Variants in AGBL3 observed in about 807,000 individuals in gnomAD.
AGBL3 encodes the protein cytosolic carboxypeptidase 3.
AGBL3 carries 68 observed loss-of-function variants against 94.5 expected under a neutral mutation model. The observed-to-expected ratio is 0.72, with a 90% confidence interval of 0.59 to 0.88. The LOEUF (loss-of-function observed/expected upper bound fraction) is 0.88, where lower values mean the gene tolerates loss of function less well. AGBL3 is among the 40% of genes least tolerant of loss of function. The pLI, the probability that AGBL3 is intolerant of heterozygous loss-of-function variation, is 0.00. For missense variants in AGBL3, 934 were observed against 1,103.8 expected (o/e 0.85, Z 2.18); for synonymous variants, 354 against 370.7 (o/e 0.95, Z 0.52).
At chr7:134,999,077 T>G (rs1811377914) in intron 4 of AGBL3, among the ~76,000 whole-genome samples, 1 of 152,184 alleles carries the variant, frequency 6.6e-6, no homozygotes, top group East Asian at 1.9e-4. Context: ...AGTAAACCAC[T>G]AGTCCATTTT....
intron 11 of AGBL3, 64 bp downstream of exon 11, chr7:135,045,975 T>C: frequency 1.8e-6 from 2 of 1,089,264 alleles, no homozygotes; most frequent in South Asian, 1.5e-5. Flanking sequence ...TTTATAATTA[T>C]ACCAGCATTT....
intron 4 of AGBL3, among the ~76,000 whole-genome samples, chr7:135,002,945 C>T (rs1811910722): frequency 6.6e-6 from 1 of 152,060 alleles, no homozygotes; most frequent in South Asian, 2.1e-4. Flanking sequence ...GTGCTTTCTG[C>T]CTATGCAGGA....
At chr7:135,067,965 T>C (rs1451317907) in intron 12 of AGBL3, among the ~76,000 whole-genome samples, 6 of 152,062 alleles carry the variant, frequency 3.9e-5, no homozygotes, top group Admixed American at 1.3e-4. Context: ...TTCGAACCCA[T>C]GGCAAAGAAG....
intron 15 of AGBL3, among the ~76,000 whole-genome samples, chr7:135,102,530 T>G (rs1219177778): frequency 1.3e-5 from 2 of 152,108 alleles, no homozygotes; most frequent in Non-Finnish European, 2.9e-5. Flanking sequence ...CTCAGTATTA[T>G]GTGGCTATGA....
chr7:135,130,324 G>C (rs963441364), intron 16 of AGBL3, among the ~76,000 whole-genome samples: 1 of 152,114 alleles, frequency 6.6e-6, no homozygotes, highest in Non-Finnish European at 1.5e-5. Flanking sequence ...TACCACAAAC[G>C]CTATGGGGCA....
intron 15 of AGBL3, among the ~76,000 whole-genome samples, chr7:135,096,608 G>GATAC (rs1245860810): frequency 5.3e-5 from 6 of 112,870 alleles, no homozygotes; most frequent in Admixed American, 3.8e-4. Context: ...TAGATAGATA[G>GATAC]ATAGATAGAT....
chr7:135,035,310 C>A (rs918216650), intron 7 of AGBL3, among the ~76,000 whole-genome samples: 2 of 152,024 alleles, frequency 1.3e-5, no homozygotes, highest in East Asian at 3.9e-4. Flanking sequence ...GCTTCTCTCT[C>A]TAGAAACTCT....
intron 11 of AGBL3, among the ~76,000 whole-genome samples, chr7:135,053,873 A>T (rs565282538): frequency 6.6e-6 from 1 of 152,350 alleles, no homozygotes; most frequent in South Asian, 2.1e-4. Flanking sequence ...AAGAAGAATA[A>T]GTATATATTA....
chr7:135,066,553 T>C (rs1417003007), intron 12 of AGBL3, among the ~76,000 whole-genome samples: 2 of 152,236 alleles, frequency 1.3e-5, no homozygotes, highest in African/African-American at 4.8e-5. Flanking sequence ...GAAAACAATA[T>C]GGAGTTTCCT....
intron 15 of AGBL3, among the ~76,000 whole-genome samples, chr7:135,091,875 A>G (rs1490960082): frequency 6.6e-6 from 1 of 152,246 alleles, no homozygotes; most frequent in African/African-American, 2.4e-5. Context: ...CCTTAAAATA[A>G]GAGTGAGATG....
chr7:135,133,669 A>AG (rs1829098126), intron 16 of AGBL3, among the ~76,000 whole-genome samples: 1 of 152,194 alleles, frequency 6.6e-6, no homozygotes, highest in South Asian at 2.1e-4. Context: ...AATTCAATGG[A>AG]GAAAAAAGAG....
intron 16 of AGBL3, among the ~76,000 whole-genome samples, chr7:135,122,970 G>A (rs1364958264): frequency 1.3e-5 from 2 of 152,110 alleles, no homozygotes; most frequent in Non-Finnish European, 1.5e-5. Context: ...AAACCCAAAA[G>A]GCCAGAGTGC....
rs761133281 is a variant in AGBL3 at position 135,008,263 on chromosome 7, G to A, written c.311-8789G>A. On this transcript the variant is annotated intron_variant, in intron 4 of 16. Transcript: ENST00000436302. ...TACTACAAATAGTAATTTAGACAGT[G>A]TGGTACTGTCATGAGGATAGACTTA... Among the ~76,000 whole-genome samples, 85 of 152,114 alleles carry A rather than the reference G, an allele frequency of 5.6e-4. 1 individual carries two copies. The highest frequency in any genetic ancestry group is 1.3e-4 in the Non-Finnish European group (9 of 67,978).
At chr7:135,057,342 G>T (rs537632893) in intron 11 of AGBL3, among the ~76,000 whole-genome samples, 1 of 152,006 alleles carries the variant, frequency 6.6e-6, no homozygotes, top group African/African-American at 2.4e-5. Flanking sequence ...CTTGAATTTG[G>T]TAATGACTTT....
chr7:135,081,736 C>A lies in AGBL3; in HGVS notation c.2056C>A (p.Pro686Thr). 6.5e-7 allele frequency: 1 copy of A among 1,540,690 alleles called. No homozygotes were observed. Among genetic ancestry groups the A allele is most frequent in the Non-Finnish European group, 8.8e-7 (1 of 1,139,394 alleles). Residue 686 changes from proline (P) to threonine (T), a missense_variant, in exon 15 of 17, where the codon CCA becomes ACA. Transcript: ENST00000436302. ...SDVKDTRPNE[P>T]DDYMVDYFRR... is the part of the protein sequence containing the mutation. The stretch of plus-strand genomic sequence containing the variant: ...TTCTCTAGATACAAGGCCAAATGAA[C>A]CAGATGATTATATGGTTGATTATTT...
intron 12 of AGBL3, among the ~76,000 whole-genome samples, chr7:135,073,511 T>TAAATAAAC (rs1554510779): frequency 6.0e-5 from 3 of 49,662 alleles, no homozygotes; most frequent in African/African-American, 1.2e-4. Flanking sequence ...AATAAATAAA[T>TAAATAAAC]AAACCTTGCA....
At chr7:135,002,293 A>T (rs1344812914) in intron 4 of AGBL3, among the ~76,000 whole-genome samples, 1 of 152,186 alleles carries the variant, frequency 6.6e-6, no homozygotes, top group Non-Finnish European at 1.5e-5. Context: ...GAGAGACTAG[A>T]TGGGGGCTTC....
chr7:135,089,420 G>T (rs1244304935), intron 15 of AGBL3, among the ~76,000 whole-genome samples: 1 of 152,024 alleles, frequency 6.6e-6, no homozygotes, highest in South Asian at 2.1e-4. Context: ...ATATTTCCTT[G>T]CTTTTTAGTG....
At chr7:135,046,204 T>G (rs2348056) in intron 11 of AGBL3, among the ~76,000 whole-genome samples, 67,339 of 151,936 alleles carry the variant, frequency 0.44, 15,548 homozygotes, top group East Asian at 0.78. Context: ...ATAGACTTTA[T>G]TTTAGCTTTT....
Sources: allele counts gnomAD v4.1 joint callset (sites outside exome capture counted in the v4.1 genomes callset), GRCh38; gene constraint gnomAD v4.1.1; transcripts MANE v1.5; gene names NCBI Gene and HGNC (gene_info 2026-07-23, HGNC 2026-07-21).